The following PDIA3 variants were observed in gnomAD, a reference collection of about 807,000 sequenced individuals.
The protein encoded by PDIA3 is protein disulfide-isomerase A3.
Under a neutral mutation model 56.9 loss-of-function variants are expected in PDIA3, and 16 were observed. That is an observed-to-expected ratio of 0.28 (90% CI 0.19 to 0.43). The LOEUF is 0.43. Among genes scored for constraint, PDIA3 ranks in the 20% least tolerant of loss-of-function variants. The pLI, the probability that PDIA3 is intolerant of heterozygous loss-of-function variation, is 1.00. For synonymous variants in PDIA3, 192 were observed against 216.5 expected (o/e 0.89, Z 0.99); for missense variants, 485 against 621.3 (o/e 0.78, Z 2.33).
intron 9 of PDIA3, among the ~76,000 whole-genome samples, 163 bp from the exon 10 acceptor site, chr15:43,769,355 G>A (rs1267759422): frequency 1.3e-5 from 2 of 152,186 alleles, no homozygotes; most frequent in Non-Finnish European, 2.9e-5. Context: ...GGTATCTAGT[G>A]AATGACAACA....
At chr15:43,760,623 G>A (rs563768919) in intron 3 of PDIA3, among the ~76,000 whole-genome samples, 252 of 150,976 alleles carry the variant, frequency 1.7e-3, no homozygotes, top group Non-Finnish European at 2.6e-3. Context: ...CCGCCTCCCG[G>A]GTTCACACCA....
chr15:43,761,290 G>C, intron 3 of PDIA3, 134 bp from the exon 4 acceptor site: 1 of 472,572 alleles, frequency 2.1e-6, no homozygotes, highest in South Asian at 4.0e-5. Context: ...GAAACTGGGT[G>C]ACTAGGGACA....
Position 43,771,658 on chromosome 15 carries a change from T to C in PDIA3, c.*440T>C, listed in dbSNP as rs1340078580. The C allele has an allele frequency of 2.5e-6, 1 of 400,078 alleles. No individual in the cohort carries two copies. The highest frequency in any genetic ancestry group is 3.6e-5 in the East Asian group (1 of 28,122). 24.8% of individuals were successfully genotyped at this position (400,078 alleles called of 1,614,324 possible). A position where few individuals can be genotyped will look rare whatever the true frequency, so the allele number is the denominator to read the frequency against. On this transcript the variant is annotated 3_prime_UTR_variant, in exon 13 of 13. Transcript: ENST00000300289. ...ATCTACACTGTTCAGTACAGGTAGC[T>C]ACGGAGCATCTGAAATATGGCTAGA...
intron 3 of PDIA3, 107 bp downstream of exon 3, chr15:43,756,873 C>A (rs1319229624): frequency 3.2e-6 from 2 of 622,110 alleles, no homozygotes; most frequent in Non-Finnish European, 5.7e-6. Flanking sequence ...AGTCTTAAAA[C>A]TTCCTCATCT....
At chr15:43,747,587 GTT>G (rs2086715733) in intron 1 of PDIA3, among the ~76,000 whole-genome samples, 1 of 151,414 alleles carries the variant, frequency 6.6e-6, no homozygotes, top group South Asian at 2.1e-4. Context: ...GTGTGTGTGT[GTT>G]TTTAAACCTC....
At chr15:43,751,146 A>AAT (rs1555455315) in intron 1 of PDIA3, among the ~76,000 whole-genome samples, 29 of 131,558 alleles carry the variant, frequency 2.2e-4, no homozygotes, top group African/African-American at 5.7e-4. Flanking sequence ...AAAAAAAAAA[A>AAT]AATAATATAT....
In PDIA3 at chr15:43,756,679, A is replaced by C; in HGVS notation, c.277A>C (p.Asn93His). 1 of 1,606,896 alleles carries C rather than the reference A, an allele frequency of 6.2e-7. No homozygotes were observed. The highest frequency in any genetic ancestry group is 2.2e-5 in the East Asian group (1 of 44,838). ...VDCTANTNTC[N>H]KYGVSGYPTL... ...TTGCACTGCCAACACTAACACCTGT[A>C]ATAAATATGGAGTCAGTGGATATCC... Residue 93 changes from asparagine to histidine, a missense_variant, in exon 3 of 13, where the codon AAT becomes CAT. Physicochemically the swap from Asn to His is moderately conservative, Grantham distance 68 (BLOSUM62 1). Coordinates refer to ENST00000300289, the MANE Select transcript of PDIA3 (RefSeq NM_005313.5).
chr15:43,761,353 A>C, intron 3 of PDIA3, 71 bp from the exon 4 acceptor site: 1 of 794,766 alleles, frequency 1.3e-6, no homozygotes, highest in Non-Finnish European at 2.1e-6. Flanking sequence ...TGAATTGTGA[A>C]TGATGAATAA....
At position 43,761,584 on chromosome 15, in the gene PDIA3, AC is replaced by A. The variant is rs144040692; in HGVS notation, c.472+56del. ...CAGAATTGTCAGTTTGGTTTCCAAA[AC>A]CCTCCATGTCTGGGAAAACCACAGA... On this transcript the variant is annotated intron_variant, in intron 4 of 12. Transcript: ENST00000300289. 4,139 of 972,520 alleles carry A rather than the reference AC, an allele frequency of 4.3e-3. 119 individuals are homozygous for A. In the African/African-American group the frequency reaches 0.061, roughly 14 times the overall value. The allele number at this position is 972,520 out of a possible 1,614,324, so 60.2% of individuals were successfully genotyped here. A position where few individuals can be genotyped will look rare whatever the true frequency, so the allele number is the denominator to read the frequency against.
intron 1 of PDIA3, among the ~76,000 whole-genome samples, chr15:43,748,094 C>G (rs1007241807): frequency 3.9e-5 from 6 of 152,188 alleles, no homozygotes; most frequent in Admixed American, 3.9e-4. Flanking sequence ...TTTGTCAGAT[C>G]TGAGTGATGC....
rs982661455 is a variant in PDIA3 at position 43,769,226 on chromosome 15, C to T, written c.1138-292C>T. ...GCCTCAGCCTTCTGAGTAGCTTGGA[C>T]TGCAGGCATGTGCCACCAAGCTTGG... On this transcript the variant is annotated intron_variant, in intron 9 of 12. Coordinates refer to ENST00000300289, the MANE Select transcript of PDIA3 (RefSeq NM_005313.5). Among the ~76,000 whole-genome samples the T allele has an allele frequency of 2.0e-5, 3 of 152,206 alleles. No homozygotes were observed. In the East Asian group the frequency reaches 5.8e-4, roughly 29 times the overall value.
chr15:43,754,927 C>T (rs2086768398), intron 2 of PDIA3, among the ~76,000 whole-genome samples: 1 of 151,620 alleles, frequency 6.6e-6, no homozygotes, highest in Non-Finnish European at 1.5e-5. Flanking sequence ...TGCACTCTAG[C>T]CTGGGCAATA....
intron 5 of PDIA3, among the ~76,000 whole-genome samples, 158 bp downstream of exon 5, chr15:43,763,364 C>T (rs943064242): frequency 7.2e-5 from 11 of 152,150 alleles, no homozygotes; most frequent in African/African-American, 1.9e-4. Flanking sequence ...ACGATTCTCG[C>T]GCCTCAACCT....
At position 43,768,596 on chromosome 15, in the gene PDIA3, A is replaced by C. The variant is rs1395294444; in HGVS notation, c.1136A>C (p.Lys379Thr). 5 of 1,589,926 alleles carry C rather than the reference A, an allele frequency of 3.1e-6. No homozygotes were observed. The highest frequency in any genetic ancestry group is 1.7e-5 in the Admixed American group (1 of 59,992). ...PIPESNDGPV[K>T]VVVAENFDEI... ...CCAGAGAGCAATGATGGGCCTGTGAAGGTGAGGTGCTCACAGCCTCATCAA... is the reference window on the plus strand; with the variant it reads ...CCAGAGAGCAATGATGGGCCTGTGACGGTGAGGTGCTCACAGCCTCATCAA... Residue 379 changes from lysine (K) to threonine (T), a missense_variant and splice_region_variant, in exon 9 of 13, where the codon AAG becomes ACG. Transcript: ENST00000300289.
intron 9 of PDIA3, 75 bp from the exon 10 acceptor site, chr15:43,769,443 T>G (rs1045957633): frequency 1.5e-6 from 2 of 1,376,504 alleles, no homozygotes; most frequent in African/African-American, 1.4e-5. Flanking sequence ...TAGAGAGGGA[T>G]TGGGTCTAGG....
rs118162479 is a variant in PDIA3, at chr15:43,772,065, A to G, written c.*847A>G. 3,467 of 155,760 alleles carry G rather than the reference A, an allele frequency of 0.022. 70 individuals carry two copies. Among genetic ancestry groups the G allele is most frequent in the Non-Finnish European group, 0.031 (2,210 of 70,502 alleles). The allele number at this position is 155,760 out of a possible 1,614,324, so 9.6% of individuals were successfully genotyped here. Reference sequence around the variant, plus strand: ...TGCTGGGTGCAGTTCTATCCCCTAAAGCCTAGGGTGTGGCCCTTTAACTTC... The same window carrying G: ...TGCTGGGTGCAGTTCTATCCCCTAAGGCCTAGGGTGTGGCCCTTTAACTTC... On this transcript the variant is annotated 3_prime_UTR_variant, in exon 13 of 13. Coordinates refer to ENST00000300289, the MANE Select transcript of PDIA3 (RefSeq NM_005313.5).
At chr15:43,767,499 T>C (rs1056972714) in intron 8 of PDIA3, among the ~76,000 whole-genome samples, 1 of 149,984 alleles carries the variant, frequency 6.7e-6, no homozygotes, top group Non-Finnish European at 1.5e-5. Context: ...AGATAAAGGG[T>C]GAGCACAGTG....
intron 5 of PDIA3, among the ~76,000 whole-genome samples, chr15:43,764,401 G>A (rs1319520383): frequency 1.3e-5 from 2 of 151,980 alleles, no homozygotes; most frequent in Admixed American, 6.6e-5. Flanking sequence ...GAAGGGGTGA[G>A]TATAAAAAAA....
chr15:43,746,632 G>C lies in PDIA3; in HGVS notation c.93G>C (p.Thr31=). 1 of 1,612,920 alleles carries C rather than the reference G, an allele frequency of 6.2e-7. No homozygotes were observed. Among genetic ancestry groups the C allele is most frequent in the Non-Finnish European group, 8.5e-7 (1 of 1,179,894 alleles). ...CTGCCTCCGACGTGCTAGAACTCAC[G>C]GACGACAACTTCGAGAGTCGCATCT... ...LAAASDVLEL[T]DDNFESRISD... The change falls in exon 1 of 13, where the codon ACG becomes ACC. Residue 31 remains threonine (T), a synonymous_variant. Coordinates refer to ENST00000300289, the MANE Select transcript of PDIA3 (RefSeq NM_005313.5).
Sources: gnomAD v4.1 joint callset for allele counts (sites outside exome capture counted in the v4.1 genomes callset) on GRCh38, gnomAD v4.1.1 for gene constraint, MANE v1.5 for transcripts, NCBI Gene and HGNC (gene_info 2026-07-23, HGNC 2026-07-21) for gene names.